KDM2A: variants seen among roughly 807,000 people sequenced by gnomAD.
The protein encoded by KDM2A is lysine demethylase 2A.
In KDM2A, 3 loss-of-function variants were observed where a neutral mutation model predicts 137.3. The ratio of observed to expected loss-of-function variants is 0.02; its 90% CI spans 0.01 to 0.06. The LOEUF is 0.06. Among genes scored for constraint, KDM2A ranks in the 10% least tolerant of loss-of-function variants. KDM2A has a pLI of 1.00. For synonymous variants in KDM2A, 512 were observed against 541.5 expected (o/e 0.95, Z 0.76); for missense variants, 738 against 1,510.6 (o/e 0.49, Z 8.48).
At position 67,149,950 on chromosome 11, in the gene KDM2A, G is replaced by A. The variant is rs548838978; in HGVS notation, c.42+28592G>A. Among the ~76,000 whole-genome samples, 32 of 152,068 alleles carry A rather than the reference G, an allele frequency of 2.1e-4. No individual in the cohort carries two copies. The South Asian group carries it at 5.3e-3, about 25-fold the overall frequency. On this transcript the variant is annotated intron_variant, in intron 2 of 20. Transcript: ENST00000529006. ...TTGGCCAGGCAGGTCTTGAACTCCC[G>A]ACCTCAGGTGACCTGCCCTCCTCAG... is the stretch of plus-strand genomic sequence containing the variant.
chr11:67,229,866 T>C (rs576808041), intron 11 of KDM2A, among the ~76,000 whole-genome samples: 1 of 146,498 alleles, frequency 6.8e-6, no homozygotes, highest in African/African-American at 2.5e-5. Flanking sequence ...TGAGACTCCG[T>C]CTCAAAAAGA....
chr11:67,165,624 A>G, intron 2 of KDM2A, among the ~76,000 whole-genome samples: 1 of 152,306 alleles, frequency 6.6e-6, no homozygotes, highest in South Asian at 2.1e-4. Flanking sequence ...AGAGGAATGT[A>G]GCAAAGCTGG....
chr11:67,231,545 A>G, intron 11 of KDM2A, 21 bp from the exon 12 acceptor site: 1 of 1,560,776 alleles, frequency 6.4e-7, no homozygotes, highest in South Asian at 1.2e-5. Flanking sequence ...TTCTTACTGC[A>G]TTTTTTCTTC....
At chr11:67,149,797 T>A (rs1378582635) in intron 2 of KDM2A, among the ~76,000 whole-genome samples, 1 of 151,722 alleles carries the variant, frequency 6.6e-6, no homozygotes, top group Non-Finnish European at 1.5e-5. Flanking sequence ...CTCGGCTCAC[T>A]GCAACCTCGG....
chr11:67,158,323 A>C (rs1485113824), intron 2 of KDM2A, among the ~76,000 whole-genome samples: 1 of 152,140 alleles, frequency 6.6e-6, no homozygotes, highest in African/African-American at 2.4e-5. Context: ...TTATTCATTT[A>C]CCTATTGAAG....
chr11:67,207,739 T>C, intron 6 of KDM2A, 51 bp downstream of exon 6: 1 of 1,429,286 alleles, frequency 7.0e-7, no homozygotes, highest in Non-Finnish European at 9.4e-7. Flanking sequence ...AAGGGTTGTT[T>C]TCGGCTGGAC....
At chr11:67,163,627 G>A (rs185752119) in intron 2 of KDM2A, among the ~76,000 whole-genome samples, 66 of 152,256 alleles carry the variant, frequency 4.3e-4, no homozygotes, top group Middle Eastern at 6.8e-3. Flanking sequence ...GCCAAGGCAG[G>A]CAGATCATGA....
Position 67,181,308 on chromosome 11 carries a change from C to T in KDM2A, c.182-12C>T. 1.3e-6 allele frequency: 2 copies of T among 1,571,348 alleles called. No individual in the cohort carries two copies. The highest frequency in any genetic ancestry group is 1.4e-5 in the African/African-American group (1 of 73,996). On this transcript the variant is annotated splice_polypyrimidine_tract_variant and intron_variant, in intron 3 of 20. Coordinates refer to ENST00000529006, the MANE Select transcript of KDM2A (RefSeq NM_012308.3). ...TACCACTTATCTTTCTAATATTTTC[C>T]TATGGTGACAGATTTTAATGTAGAG...
intron 8 of KDM2A, among the ~76,000 whole-genome samples, chr11:67,216,286 G>T (rs1350605342): frequency 6.6e-6 from 1 of 152,192 alleles, no homozygotes; most frequent in Admixed American, 6.5e-5. Context: ...ATAAATAGTG[G>T]AAGGGAACAC....
intron 5 of KDM2A, among the ~76,000 whole-genome samples, chr11:67,186,772 A>G (rs974460443): frequency 8.5e-5 from 13 of 152,186 alleles, no homozygotes. Context: ...CAATACATTT[A>G]AAATAATTAG....
chr11:67,186,792 G>T (rs946387433), intron 5 of KDM2A, among the ~76,000 whole-genome samples: 2 of 152,160 alleles, frequency 1.3e-5, no homozygotes, highest in African/African-American at 4.8e-5. Context: ...GTAGAACGGG[G>T]TATAGTGGTA....
chr11:67,255,105 C>A lies in KDM2A; in HGVS notation c.*50C>A. The A allele has an allele frequency of 6.5e-7, 1 of 1,534,260 alleles. No homozygotes were observed. The highest frequency in any genetic ancestry group is 1.2e-5 in the South Asian group (1 of 84,476). ...GGAAACCGATCTTCCCCTGACTCCCCACCGAGGAGAGCCTCTCCTCGACCC... is the reference window on the plus strand; with the variant it reads ...GGAAACCGATCTTCCCCTGACTCCCAACCGAGGAGAGCCTCTCCTCGACCC... On this transcript the variant is annotated 3_prime_UTR_variant, in exon 21 of 21. Coordinates refer to ENST00000529006, the MANE Select transcript of KDM2A (RefSeq NM_012308.3).
intron 16 of KDM2A, among the ~76,000 whole-genome samples, chr11:67,249,034 G>T (rs926120989): frequency 1.3e-5 from 2 of 152,366 alleles, no homozygotes; most frequent in African/African-American, 4.8e-5. Context: ...CCAAGTGCCA[G>T]TCTTTCAAGG....
intron 5 of KDM2A, 42 bp downstream of exon 5, chr11:67,181,934 T>A: frequency 1.3e-6 from 2 of 1,552,978 alleles, no homozygotes; most frequent in Non-Finnish European, 1.8e-6. Flanking sequence ...AGGCAAAGAT[T>A]TAAGACTTAG....
At chr11:67,151,815 G>A (rs1006267264) in intron 2 of KDM2A, among the ~76,000 whole-genome samples, 9 of 151,958 alleles carry the variant, frequency 5.9e-5, no homozygotes, top group Non-Finnish European at 1.2e-4. Context: ...GCTTTATCTA[G>A]CTTACTATAG....
chr11:67,196,969 T>C (rs1016829750), intron 5 of KDM2A: 6 of 154,114 alleles, frequency 3.9e-5, no homozygotes, highest in Non-Finnish European at 7.2e-5. Flanking sequence ...TAAGATCTTA[T>C]TCAGTCATCA....
At chr11:67,252,248 G>A in intron 17 of KDM2A, 1 of 191,744 alleles carries the variant, frequency 5.2e-6, no homozygotes, top group Non-Finnish European at 1.1e-5. Context: ...TGCATTTCAG[G>A]CAGCTGCGAG....
chr11:67,172,616 TTGTGTGTGTGTGTGTGTG>T (rs35333315), intron 2 of KDM2A, among the ~76,000 whole-genome samples: 1 of 146,422 alleles, frequency 6.8e-6, no homozygotes, highest in Non-Finnish European at 1.5e-5. Context: ...GCTCTTATAG[TTGTGTGTGTGTGTGTGTG>T]TGTGTGTGTG....
chr11:67,241,381 T>C (rs1859036250), intron 12 of KDM2A, among the ~76,000 whole-genome samples: 1 of 152,064 alleles, frequency 6.6e-6, no homozygotes, highest in African/African-American at 2.4e-5. Flanking sequence ...GTGAGAGGCA[T>C]CTGGAGACTT....
Sources: allele counts gnomAD v4.1 joint callset (sites outside exome capture counted in the v4.1 genomes callset), GRCh38; gene constraint gnomAD v4.1.1; transcripts MANE v1.5; gene names NCBI Gene and HGNC (gene_info 2026-07-23, HGNC 2026-07-21).